ALG1L2: variants seen among roughly 807,000 people sequenced by gnomAD.
ALG1L2 encodes the protein putative glycosyltransferase ALG1L2.
Under a neutral mutation model 29.0 loss-of-function variants are expected in ALG1L2, and 32 were observed. That is an observed-to-expected ratio of 1.10 (90% confidence interval 0.83 to 1.48). The LOEUF (loss-of-function observed/expected upper bound fraction) is 1.48. Ranked by LOEUF, ALG1L2 falls within the 40% of genes most tolerant of loss-of-function variation. The pLI, the probability that ALG1L2 is intolerant of heterozygous loss-of-function variation, is 0.00. For missense variants in ALG1L2, 318 were observed against 274.1 expected (o/e 1.16, Z -1.13); for synonymous variants, 110 against 109.5 (o/e 1.00, Z -0.03).
intron 5 of ALG1L2, among the ~76,000 whole-genome samples, chr3:130,094,895 C>T (rs924894841): frequency 1.3e-5 from 2 of 152,198 alleles, no homozygotes; most frequent in African/African-American, 4.8e-5. Context: ...TGAGATGGTT[C>T]TCCTTTGCCT....
chr3:130,094,167 G>T lies in ALG1L2; in HGVS notation c.314-236G>T, dbSNP rs1159798172. 10 of 555,162 alleles carry T rather than the reference G, an allele frequency of 1.8e-5. No individual in the cohort carries two copies. The East Asian group carries it at 2.5e-4, about 14-fold the overall frequency. 34.4% of individuals were successfully genotyped at this position (555,162 alleles called of 1,614,324 possible). A position where few individuals can be genotyped will look rare whatever the true frequency, so the allele number is the denominator to read the frequency against. Reference sequence around the variant, plus strand: ...GCTTACCCCGCCTTGTTTGCAGCCCGAGGCCAGCTGGTTGCAGGTGCAGGG... The same window carrying T: ...GCTTACCCCGCCTTGTTTGCAGCCCTAGGCCAGCTGGTTGCAGGTGCAGGG... On this transcript the variant is annotated intron_variant, in intron 4 of 7. Transcript: ENST00000425059.
chr3:130,094,364 G>T (rs770815651), intron 4 of ALG1L2, 39 bp from the exon 5 acceptor site: 1 of 1,581,722 alleles, frequency 6.3e-7, no homozygotes, highest in Non-Finnish European at 8.6e-7. Context: ...GGCAGGGACA[G>T]AGACGGGTTC....
At chr3:130,084,944 A>AATTT (rs1320876636) in intron 1 of ALG1L2, among the ~76,000 whole-genome samples, 3 of 119,598 alleles carry the variant, frequency 2.5e-5, no homozygotes, top group Non-Finnish European at 5.8e-5. Context: ...AGAGATATAT[A>AATTT]TAATTTTATT....
In ALG1L2 at chr3:130,082,012, G is replaced by A; in HGVS notation, c.-5G>A. 6.6e-7 allele frequency: 1 copy of A among 1,505,118 alleles called. No individual in the cohort carries two copies. The highest frequency in any genetic ancestry group is 9.0e-7 in the Non-Finnish European group (1 of 1,107,404). The allele number at this position is 1,505,118 out of a possible 1,614,324, so 93.2% of individuals were successfully genotyped here. A position where few individuals can be genotyped will look rare whatever the true frequency, so the allele number is the denominator to read the frequency against. On this transcript the variant is annotated 5_prime_UTR_variant, in exon 1 of 8. Transcript: ENST00000425059. ...TAAGAAGTCTGAATTTTAACCTGAA[G>A]GGACATGGGAGCTACTGCAGGCTGG...
intron 6 of ALG1L2, 51 bp from the exon 7 acceptor site, chr3:130,097,124 G>T (rs866509005): frequency 3.1e-6 from 5 of 1,605,922 alleles, no homozygotes; most frequent in Non-Finnish European, 4.2e-6. Context: ...CACCCCAGGG[G>T]TCTAGTGTCT....
chr3:130,092,172 C>A lies in ALG1L2; in HGVS notation c.203C>A (p.Thr68Lys), dbSNP rs183887858. ...TERDSGSGLV[T>K]RLHERPALLV... is the part of the protein sequence containing the mutation. ...CGGGATTCTGGGAGCGGGCTGGTGA[C>A]GCGTCTCCACGAGCGGCCAGCCCTG... The change falls in exon 3 of 8, where the codon ACG becomes AAG. Residue 68 changes from threonine (T) to lysine (K), a missense_variant. By Grantham distance (78) the Thr-to-Lys change is moderately conservative. Coordinates refer to ENST00000425059, the MANE Select transcript of ALG1L2 (RefSeq NM_001136152.1). The A allele has an allele frequency of 6.2e-7, 1 of 1,612,922 alleles. No individual in the cohort carries two copies. Among genetic ancestry groups the A allele is most frequent in the Non-Finnish European group, 8.5e-7 (1 of 1,179,680 alleles).
Position 130,096,143 on chromosome 3 carries a change from G to T in ALG1L2, c.519G>T (p.Ala173=). ...ACATGTTCAGGTGCTGTTTGCCTGC[G>T]TGTGCCGTGAACTTCAAGTGGTAGG... The part of the protein sequence containing the change: ...VVDMFRCCLP[A]CAVNFKCLHE... Residue 173 remains alanine, a synonymous_variant, in exon 6 of 8, where the codon GCG becomes GCT. Transcript: ENST00000425059. 2 of 1,611,952 alleles carry T rather than the reference G, an allele frequency of 1.2e-6. No homozygotes were observed. The highest frequency in any genetic ancestry group is 1.7e-6 in the Non-Finnish European group (2 of 1,179,826).
chr3:130,095,840 G>A (rs55686290), intron 5 of ALG1L2, among the ~76,000 whole-genome samples: 9,161 of 152,230 alleles, frequency 0.06, 352 homozygotes, highest in East Asian at 0.18. Flanking sequence ...TCAAATTGTG[G>A]TTACGTAGAA....
chr3:130,097,085 A>G, intron 6 of ALG1L2, 90 bp from the exon 7 acceptor site: 2 of 1,563,086 alleles, frequency 1.3e-6, no homozygotes, highest in South Asian at 1.2e-5. Flanking sequence ...GCCTGGCTTG[A>G]GCGTGGGGTG....
In ALG1L2 at chr3:130,091,334, A is replaced by T. The variant is rs773991413; in HGVS notation, c.94A>T (p.Met32Leu). 4 of 1,597,710 alleles carry T rather than the reference A, an allele frequency of 2.5e-6. No individual in the cohort carries two copies. The highest frequency in any genetic ancestry group is 4.5e-5 in the East Asian group (2 of 44,884). The change falls in exon 2 of 8, where the codon ATG (methionine) becomes TTG (leucine). Residue 32 changes from methionine (M) to leucine (L), a missense_variant. Met to Leu is a conservative substitution (Grantham distance 15). Transcript: ENST00000425059. ...TCTGGACCTGCAGCACCGGCTCTTC[A>T]TGAAGCTGGGCAGCACGCACTCTCC... is the stretch of plus-strand genomic sequence containing the variant. ...APLDLQHRLF[M>L]KLGSTHSPFR...
chr3:130,086,026 G>A (rs1281027223), intron 1 of ALG1L2, among the ~76,000 whole-genome samples: 2 of 151,638 alleles, frequency 1.3e-5, no homozygotes, highest in Admixed American at 6.6e-5. Context: ...TGCTCTGCCT[G>A]CCTCACTTTT....
chr3:130,094,573 TG>T, intron 5 of ALG1L2, 60 bp downstream of exon 5: 1 of 332,040 alleles, frequency 3.0e-6, no homozygotes, highest in Non-Finnish European at 5.2e-6. Context: ...GGAACAGGGG[TG>T]GGCGGGGTGT....
chr3:130,095,018 C>A (rs964529352), intron 5 of ALG1L2, among the ~76,000 whole-genome samples: 2 of 152,176 alleles, frequency 1.3e-5, no homozygotes, highest in Non-Finnish European at 2.9e-5. Flanking sequence ...AGGCTGAGGG[C>A]CTTTTCCTGG....
At chr3:130,097,906 C>A (rs546967808) in intron 7 of ALG1L2, among the ~76,000 whole-genome samples, 1 of 152,220 alleles carries the variant, frequency 6.6e-6, no homozygotes, top group African/African-American at 2.4e-5. Context: ...GAAAAGAACA[C>A]CCCCTTGTTA....
chr3:130,085,690 G>A (rs1181111069), intron 1 of ALG1L2, among the ~76,000 whole-genome samples: 29 of 151,698 alleles, frequency 1.9e-4, no homozygotes, highest in Non-Finnish European at 3.2e-4. Context: ...TTGTGGGAGA[G>A]GGGATGCAAT....
intron 1 of ALG1L2, among the ~76,000 whole-genome samples, chr3:130,090,428 G>C (rs1446585140): frequency 6.6e-6 from 1 of 152,414 alleles, no homozygotes; most frequent in African/African-American, 2.4e-5. Context: ...TTTGGACCCT[G>C]AATACCCTGC....
intron 6 of ALG1L2, among the ~76,000 whole-genome samples, chr3:130,096,633 A>T (rs1471664038): frequency 4.6e-5 from 7 of 152,038 alleles, no homozygotes; most frequent in Non-Finnish European, 7.4e-5. Flanking sequence ...GCCTCACTCC[A>T]CCCAGCATAG....
intron 5 of ALG1L2, among the ~76,000 whole-genome samples, chr3:130,094,796 TG>T (rs1559788470): frequency 6.6e-6 from 1 of 152,168 alleles, no homozygotes; most frequent in Non-Finnish European, 1.5e-5. Flanking sequence ...GGGCTGGGCC[TG>T]GGGTTGGGGC....
chr3:130,090,386 A>G (rs1417623393), intron 1 of ALG1L2, among the ~76,000 whole-genome samples: 1 of 152,304 alleles, frequency 6.6e-6, no homozygotes, highest in African/African-American at 2.4e-5. Flanking sequence ...AAATAAATTG[A>G]GGAAGGATTT....
Sources: gnomAD v4.1 joint callset for allele counts (sites outside exome capture counted in the v4.1 genomes callset) on GRCh38, gnomAD v4.1.1 for gene constraint, MANE v1.5 for transcripts, NCBI Gene and HGNC (gene_info 2026-07-23, HGNC 2026-07-21) for gene names.